FOXN3: variants seen among roughly 807,000 people sequenced by gnomAD.
The protein encoded by FOXN3 is forkhead box protein N3.
Under a neutral mutation model 38.4 loss-of-function variants are expected in FOXN3, and 7 were observed. The observed-to-expected ratio is 0.18, with a 90% CI of 0.10 to 0.34. FOXN3 has a LOEUF of 0.34. Among genes scored for constraint, FOXN3 ranks in the 10% least tolerant of loss-of-function variants. The pLI is 1.00. For missense variants in FOXN3, 456 were observed against 613.4 expected (o/e 0.74, Z 2.71); for synonymous variants, 230 against 242.2 (o/e 0.95, Z 0.47).
At chr14:89,516,231 G>C (rs1163520832) in intron 1 of FOXN3, among the ~76,000 whole-genome samples, 3 of 152,100 alleles carry the variant, frequency 2.0e-5, no homozygotes, top group Non-Finnish European at 4.4e-5. Flanking sequence ...AAATGCTTCA[G>C]GGACTTTGAG....
intron 1 of FOXN3, among the ~76,000 whole-genome samples, chr14:89,522,606 G>A (rs370633419): frequency 2.6e-5 from 4 of 151,996 alleles, no homozygotes; most frequent in African/African-American, 9.7e-5. Flanking sequence ...ATGCCAGGAG[G>A]TATTGCAGTG....
chr14:89,558,202 A>G (rs568622142), intron 1 of FOXN3, among the ~76,000 whole-genome samples: 153 of 152,354 alleles, frequency 1.0e-3, no homozygotes, highest in African/African-American at 3.6e-3. Flanking sequence ...GTACTTCTCC[A>G]GACAACTCCT....
chr14:89,484,852 G>C lies in FOXN3; in HGVS notation c.-14-72362C>G, dbSNP rs778605123. On this transcript the variant is annotated intron_variant, in intron 1 of 6. Transcript: ENST00000345097. This position sits in a 1 kb window ranked among gnomAD's most constrained non-coding sequence, Gnocchi z 4.0. ...TCTCAGTAGCACCTTTAAGACCCAG[G>C]ACAGGCCAGGTGTGGTAGCTCATGC... Among the ~76,000 whole-genome samples, 1 of 152,096 alleles carries C rather than the reference G, an allele frequency of 6.6e-6. No homozygotes were observed. Among genetic ancestry groups the C allele is most frequent in the Admixed American group, 6.6e-5 (1 of 15,266 alleles).
chr14:89,537,222 C>G (rs1894706815), intron 1 of FOXN3, among the ~76,000 whole-genome samples: 1 of 152,146 alleles, frequency 6.6e-6, no homozygotes, highest in South Asian at 2.1e-4. Context: ...GGTGGGACTC[C>G]ACAGAATGGA....
At chr14:89,364,107 T>G (rs1353420350) in intron 2 of FOXN3, among the ~76,000 whole-genome samples, 1 of 149,546 alleles carries the variant, frequency 6.7e-6, no homozygotes, top group South Asian at 2.1e-4. Flanking sequence ...TGTTTACACT[T>G]CAAAAATTTA....
chr14:89,410,913 G>GGAAA (rs1227183671), intron 2 of FOXN3, among the ~76,000 whole-genome samples: 1 of 151,478 alleles, frequency 6.6e-6, no homozygotes, highest in African/African-American at 2.4e-5. Flanking sequence ...AAAAAAGAAA[G>GGAAA]AAAAAGAAAG....
At chr14:89,507,940 T>G (rs1893980182) in intron 1 of FOXN3, among the ~76,000 whole-genome samples, 1 of 152,198 alleles carries the variant, frequency 6.6e-6, no homozygotes, top group Non-Finnish European at 1.5e-5. Context: ...AGCTTGATGT[T>G]CACGCATGGA....
rs549980508 is a variant in FOXN3, at chr14:89,500,129, A to G, written c.-14-87639T>C. 1.1e-4 allele frequency among the ~76,000 whole-genome samples: 16 copies of G among 152,260 alleles called. No homozygotes were observed. In the South Asian group the frequency reaches 3.1e-3, roughly 30 times the overall value. On this transcript the variant is annotated intron_variant, in intron 1 of 6. Coordinates refer to the FOXN3 transcript ENST00000345097. Reference sequence around the variant, plus strand: ...CGGCCTCCCAAAGTGCTGGGGTTACAGGCGTGAGCCACCGCACTCAGCCAG... The same window carrying G: ...CGGCCTCCCAAAGTGCTGGGGTTACGGGCGTGAGCCACCGCACTCAGCCAG...
intron 1 of FOXN3, among the ~76,000 whole-genome samples, chr14:89,495,485 A>G (rs937794945): frequency 6.6e-6 from 1 of 152,228 alleles, no homozygotes; most frequent in Non-Finnish European, 1.5e-5. Context: ...AAAGAAATTC[A>G]TCACTTTTTA....
intron 2 of FOXN3, among the ~76,000 whole-genome samples, chr14:89,376,372 CAGAT>C (rs1441264371): frequency 2.6e-5 from 4 of 152,154 alleles, no homozygotes; most frequent in African/African-American, 9.7e-5. Context: ...TAGTCACAGA[CAGAT>C]ATTTATTTGC....
chr14:89,227,446 G>T (rs1380456753), intron 4 of FOXN3, among the ~76,000 whole-genome samples: 1 of 152,170 alleles, frequency 6.6e-6, no homozygotes, highest in Non-Finnish European at 1.5e-5. Flanking sequence ...AAATAAGACT[G>T]ATCAATTTTT....
chr14:89,390,490 T>TAAAAAA (rs376776864), intron 2 of FOXN3, among the ~76,000 whole-genome samples: 1 of 130,172 alleles, frequency 7.7e-6, no homozygotes, highest in Non-Finnish European at 1.6e-5. Context: ...AGCTGCTTTT[T>TAAAAAA]AAAAAAAAAA....
chr14:89,199,039 A>G (rs1198504717), intron 4 of FOXN3, among the ~76,000 whole-genome samples: 1 of 152,250 alleles, frequency 6.6e-6, no homozygotes, highest in Non-Finnish European at 1.5e-5. Context: ...GTTGCAATCA[A>G]TCAAGATATC....
intron 1 of FOXN3, among the ~76,000 whole-genome samples, chr14:89,549,273 TAAAAA>T (rs11307365): frequency 2.2e-5 from 3 of 133,412 alleles, no homozygotes; most frequent in South Asian, 2.4e-4. Context: ...TCCTTATCTG[TAAAAA>T]AAAAAAAAAA....
intron 1 of FOXN3, among the ~76,000 whole-genome samples, chr14:89,606,282 T>C (rs1346667186): frequency 1.3e-5 from 2 of 152,148 alleles, no homozygotes. Context: ...AAAATACCAC[T>C]TCCAGATAAA....
intron 1 of FOXN3, among the ~76,000 whole-genome samples, chr14:89,528,376 C>CTATTTT (rs1894474613): frequency 1.9e-5 from 1 of 53,550 alleles, no homozygotes; most frequent in Non-Finnish European, 3.4e-5. Flanking sequence ...ATGGATGAAT[C>CTATTTT]TTTTTTTTTT....
At chr14:89,530,850 T>C (rs1230198921) in intron 1 of FOXN3, among the ~76,000 whole-genome samples, 2 of 150,796 alleles carry the variant, frequency 1.3e-5, no homozygotes, top group Non-Finnish European at 3.0e-5. Context: ...CGTAAAGTGA[T>C]CCACCTGCCT....
intron 5 of FOXN3, among the ~76,000 whole-genome samples, chr14:89,175,313 T>G (rs1486953921): frequency 6.6e-6 from 1 of 152,210 alleles, no homozygotes; most frequent in Non-Finnish European, 1.5e-5. Context: ...TAGGGTGATC[T>G]AGACTTGTAG....
intron 3 of FOXN3, among the ~76,000 whole-genome samples, chr14:89,330,781 C>T (rs1264298118): frequency 6.6e-6 from 1 of 152,216 alleles, no homozygotes; most frequent in Admixed American, 6.5e-5. Flanking sequence ...AATGCATCAC[C>T]TGTGGAAATG....
Sources: gnomAD v4.1 joint callset for allele counts (sites outside exome capture counted in the v4.1 genomes callset) on GRCh38, gnomAD v4.1.1 for gene constraint, Gnocchi (gnomAD v3.1) non-coding constraint, MANE v1.5 for transcripts, NCBI Gene and HGNC (gene_info 2026-07-23, HGNC 2026-07-21) for gene names.